ADRA1B: variants seen among roughly 807,000 people sequenced by gnomAD.
ADRA1B encodes alpha-1B adrenergic receptor.
A neutral mutation model predicts 17.9 loss-of-function variants in ADRA1B; 17 were observed. The observed-to-expected ratio is 0.95, with a 90% CI of 0.65 to 1.42. The LOEUF (loss-of-function observed/expected upper bound fraction) is 1.42. Ranked by LOEUF, ADRA1B falls within the 40% of genes most tolerant of loss-of-function variation. The probability of loss-of-function intolerance (pLI) is 0.00; values close to 1 mark genes in which losing one functional copy is unlikely to be tolerated. For missense variants in ADRA1B, 681 were observed against 722.1 expected, an observed-to-expected ratio of 0.94 and a Z score of 0.65; for synonymous variants, 366 against 327.6, an observed-to-expected ratio of 1.12 and a Z score of -1.27.
At chr5:159,923,933 C>T (rs1754565385) in intron 1 of ADRA1B, among the ~76,000 whole-genome samples, 3 of 152,380 alleles carry the variant, frequency 2.0e-5, no homozygotes, top group African/African-American at 7.2e-5. Context: ...CCTGTCTTTA[C>T]AGTGAGGGAA....
chr5:159,887,699 C>T (rs1672465652), intron 1 of ADRA1B, among the ~76,000 whole-genome samples: 1 of 152,212 alleles, frequency 6.6e-6, no homozygotes, highest in African/African-American at 2.4e-5. Context: ...AGCTATTACA[C>T]TTCCTTTTTT....
intron 1 of ADRA1B, among the ~76,000 whole-genome samples, chr5:159,871,911 G>A (rs538418176): frequency 6.6e-6 from 1 of 152,078 alleles, no homozygotes; most frequent in African/African-American, 2.4e-5. Flanking sequence ...CTCTCTGCAG[G>A]GTCTCCTCCT....
At chr5:159,930,388 G>C (rs1430023236) in intron 1 of ADRA1B, among the ~76,000 whole-genome samples, 1 of 152,234 alleles carries the variant, frequency 6.6e-6, no homozygotes, top group African/African-American at 2.4e-5. Context: ...CCAACACTTT[G>C]GGAGGCTGAG....
At chr5:159,880,945 CAGGGTAG>C (rs1753854749) in intron 1 of ADRA1B, among the ~76,000 whole-genome samples, 1 of 152,154 alleles carries the variant, frequency 6.6e-6, no homozygotes, top group African/African-American at 2.4e-5. Flanking sequence ...TGAGCTCTTT[CAGGGTAG>C]ATGGTGCCAT....
upstream of ADRA1B, among the ~76,000 whole-genome samples, chr5:159,914,617 T>C (rs1451911488): frequency 1.3e-5 from 2 of 152,234 alleles, no homozygotes; most frequent in African/African-American, 4.8e-5. Context: ...ATTTTGCACA[T>C]GTGTGGAGTC....
intron 1 of ADRA1B, among the ~76,000 whole-genome samples, chr5:159,931,393 CAAA>C (rs144950450): frequency 5.3e-5 from 7 of 132,186 alleles, no homozygotes; most frequent in Admixed American, 1.5e-4. Flanking sequence ...GACCCTATCT[CAAA>C]AAAAAAAAAA....
At chr5:159,959,167 T>C (rs1467228238) in intron 1 of ADRA1B, among the ~76,000 whole-genome samples, 2 of 152,184 alleles carry the variant, frequency 1.3e-5, no homozygotes, top group Non-Finnish European at 2.9e-5. Context: ...TATTAACCCG[T>C]GTACTATGGA....
the ADRA1B span, among the ~76,000 whole-genome samples, chr5:159,981,356 G>A: frequency 1.3e-5 from 2 of 151,982 alleles, no homozygotes; most frequent in Non-Finnish European, 1.5e-5. Context: ...CCAGCCAAAT[G>A]CCTCCCGGGG....
chr5:159,880,592 TAGG>T (rs1186824020), intron 1 of ADRA1B, among the ~76,000 whole-genome samples: 1 of 152,172 alleles, frequency 6.6e-6, no homozygotes, highest in Non-Finnish European at 1.5e-5. Flanking sequence ...AGCCCCGTGG[TAGG>T]AGAAACTCAA....
intron 1 of ADRA1B, among the ~76,000 whole-genome samples, chr5:159,932,145 C>CT (rs1002992298): frequency 5.9e-5 from 9 of 152,008 alleles, no homozygotes; most frequent in African/African-American, 2.2e-4. Context: ...TTTGTTTTTC[C>CT]TTTTTTTCTT....
chr5:159,916,946 C>T lies in ADRA1B; in HGVS notation c.41C>T (p.Pro14Leu). The change falls in exon 1 of 2, where the codon CCT (proline) becomes CTT (leucine). Residue 14 changes from proline to leucine, a missense_variant. This residue lies in a region of ADRA1B where 424 missense variants were observed against 480.2 expected (regional missense o/e 0.88). Transcript: ENST00000306675. ...GACACCGGCCACAACACATCAGCAC[C>T]TGCCCACTGGGGAGAGTTGAAAAAT... ...DLDTGHNTSA[P>L]AHWGELKNAN... 1.2e-5 allele frequency: 20 copies of T among 1,614,016 alleles called. No homozygotes were observed. Among genetic ancestry groups the T allele is most frequent in the Non-Finnish European group, 1.7e-5 (20 of 1,179,906 alleles).
At chr5:159,882,263 G>A (rs970947007) in intron 1 of ADRA1B, among the ~76,000 whole-genome samples, 1 of 152,108 alleles carries the variant, frequency 6.6e-6, no homozygotes, top group Non-Finnish European at 1.5e-5. Flanking sequence ...AGACCTTGAG[G>A]GTTCCCCAGA....
At chr5:159,981,323 AGCTGT>A in the ADRA1B span, among the ~76,000 whole-genome samples, 2 of 152,146 alleles carry the variant, frequency 1.3e-5, no homozygotes, top group East Asian at 3.9e-4. Context: ...TCCCACCATC[AGCTGT>A]GACAATCAAA....
intron 1 of ADRA1B, among the ~76,000 whole-genome samples, chr5:159,971,588 G>GC (rs1409424634): frequency 6.6e-6 from 1 of 152,188 alleles, no homozygotes; most frequent in African/African-American, 2.4e-5. Context: ...ATTGAAGGTG[G>GC]CAAGTGCTGC....
At chr5:159,870,078 A>T (rs985055495) in intron 1 of ADRA1B, 5 of 152,218 alleles carry the variant, frequency 3.3e-5, no homozygotes, top group African/African-American at 1.2e-4. Flanking sequence ...ACAGAAACAA[A>T]TAGTTTCAAA....
rs1390756999 is a variant in ADRA1B, at chr5:159,921,295, C to A, written c.949+3441C>A. ...AGGAGCAGGAATGGACTCCACCAAA[C>A]AAGGACCTCTTTATTTGGCCCCTGG... On this transcript the variant is annotated intron_variant, in intron 1 of 1. Coordinates refer to ENST00000306675, the MANE Select transcript of ADRA1B (RefSeq NM_000679.4). 5.9e-5 allele frequency among the ~76,000 whole-genome samples: 9 copies of A among 152,168 alleles called. No individual in the cohort carries two copies. In the East Asian group the frequency reaches 1.3e-3, roughly 23 times the overall value.
Position 159,879,856 on chromosome 5 carries a change from C to T in ADRA1B, c.-256+14650C>T, listed in dbSNP as rs113349582. 7.6e-3 allele frequency among the ~76,000 whole-genome samples: 1,163 copies of T among 152,036 alleles called. 16 individuals carry two copies. The highest frequency in any genetic ancestry group is 0.026 in the African/African-American group (1,088 of 41,486). ...ACTAAAAATACAAAAATTAGCTGGG[C>T]GTGGTGGCGGGCGCCTGTAATCCCA... On this transcript the variant is annotated intron_variant, in intron 1 of 2. Coordinates refer to the ADRA1B transcript ENST00000641205.
chr5:159,901,735 G>A lies in ADRA1B; in HGVS notation c.-255-14384G>A, dbSNP rs139479966. ...TTTCTCCAGAGGAGATATGCAAATG[G>A]CCAACAAGCATAAGAAAAGATACTC... On this transcript the variant is annotated intron_variant, in intron 1 of 2. Transcript: ENST00000641205. Among the ~76,000 whole-genome samples, 844 of 152,118 alleles carry A rather than the reference G, an allele frequency of 5.5e-3. 10 individuals carry two copies. The highest frequency in any genetic ancestry group is 0.019 in the African/African-American group (797 of 41,500).
At chr5:159,939,274 AGAGAGTGTGTGTGT>A (rs1323060232) in intron 1 of ADRA1B, among the ~76,000 whole-genome samples, 35 of 78,440 alleles carry the variant, frequency 4.5e-4, no homozygotes, top group Admixed American at 2.5e-3. Flanking sequence ...AGAGAGAGAG[AGAGAGTGTGTGTGT>A]GTGTGTGTGT....
Sources: gnomAD v4.1 joint callset for allele counts (sites outside exome capture counted in the v4.1 genomes callset) on GRCh38, gnomAD v4.1.1 for gene constraint, gnomAD v4.1.1 regional missense constraint, MANE v1.5 for transcripts, NCBI Gene and HGNC (gene_info 2026-07-23, HGNC 2026-07-21) for gene names.